Variants in NETO1 observed in about 807,000 individuals in gnomAD.
NETO1 encodes neuropilin and tolloid like 1.
A neutral mutation model predicts 61.3 loss-of-function variants in NETO1; 26 were observed. The observed-to-expected ratio is 0.42, with a 90% CI of 0.31 to 0.59. NETO1 has a LOEUF of 0.59. Ranked by LOEUF, NETO1 falls within the 20% of genes least tolerant of loss-of-function variation. The pLI is 0.12. For missense variants in NETO1, 531 were observed against 662.8 expected, an observed-to-expected ratio of 0.80 and a Z score of 2.18; for synonymous variants, 225 against 225.8, an observed-to-expected ratio of 1.00 and a Z score of 0.03.
intron 4 of NETO1, among the ~76,000 whole-genome samples, chr18:72,807,781 G>C (rs1224152029): frequency 6.6e-6 from 1 of 151,518 alleles, no homozygotes; most frequent in Non-Finnish European, 1.5e-5. Flanking sequence ...GCTGGAGTTT[G>C]CACATTTGAA....
chr18:72,835,902 C>T (rs920241735), intron 4 of NETO1, among the ~76,000 whole-genome samples: 14 of 151,988 alleles, frequency 9.2e-5, no homozygotes, highest in African/African-American at 1.7e-4. Context: ...CAAATAAATA[C>T]GTAAAGAGAT....
chr18:72,812,357 T>G (rs962090940), intron 4 of NETO1, among the ~76,000 whole-genome samples: 1 of 152,240 alleles, frequency 6.6e-6, no homozygotes, highest in Non-Finnish European at 1.5e-5. Flanking sequence ...CATTTGTGCT[T>G]GAACATTTAT....
Position 72,867,297 on chromosome 18 carries a change from T to C in NETO1, c.-6A>G. The C allele has an allele frequency of 6.4e-7, 1 of 1,568,896 alleles. No individual in the cohort carries two copies. Among genetic ancestry groups the C allele is most frequent in the Non-Finnish European group, 8.6e-7 (1 of 1,158,100 alleles). On this transcript the variant is annotated 5_prime_UTR_variant, in exon 1 of 11. Coordinates refer to ENST00000327305, the MANE Select transcript of NETO1 (RefSeq NM_138966.5). ...ACGCTGCGCCCATGGATCATGTCTG[T>C]GCGTTACACCAGAGGCTCCGGGCTC...
intron 4 of NETO1, among the ~76,000 whole-genome samples, chr18:72,844,600 T>C (rs149491707): frequency 6.6e-6 from 1 of 152,210 alleles, no homozygotes; most frequent in African/African-American, 2.4e-5. Flanking sequence ...ATGAACAGAT[T>C]TTTTCGTATC....
chr18:72,830,119 G>A lies in NETO1; in HGVS notation c.469+28707C>T, dbSNP rs563751727. Among the ~76,000 whole-genome samples, 130 of 152,288 alleles carry A rather than the reference G, an allele frequency of 8.5e-4. No individual in the cohort carries two copies. The highest frequency in any genetic ancestry group is 2.3e-3 in the South Asian group (11 of 4,834). On this transcript the variant is annotated intron_variant, in intron 4 of 10. Coordinates refer to ENST00000327305, the MANE Select transcript of NETO1 (RefSeq NM_138966.5). The surrounding 1 kb of genome is among the most constrained non-coding windows in gnomAD (Gnocchi z 4.9). ...CTACCTATGTGGCTGAAATATGAAG[G>A]AAGTACTATAAAACCTATGGCTTTA...
At chr18:72,808,419 TTGTGTGTGTG>T (rs368047239) in intron 4 of NETO1, among the ~76,000 whole-genome samples, 69 of 141,924 alleles carry the variant, frequency 4.9e-4, no homozygotes, top group East Asian at 3.8e-3. Context: ...CACTGCAGAT[TTGTGTGTGTG>T]TGTGTGTGTG....
intron 1 of NETO1, chr18:72,866,927 G>A: frequency 2.2e-6 from 1 of 462,292 alleles, no homozygotes; most frequent in East Asian, 4.7e-5. Context: ...TATCATCCGC[G>A]CTCTCCCGCT....
Position 72,858,765 on chromosome 18 carries a change from G to A in NETO1, c.469+61C>T, listed in dbSNP as rs545426841. On this transcript the variant is annotated intron_variant, in intron 4 of 10. Transcript: ENST00000327305. Reference sequence around the variant, plus strand: ...ATAATGTTGTCTTACACAAGATTTTGTACTATGAAGATAGAAAAATGAGGA... The same window carrying A: ...ATAATGTTGTCTTACACAAGATTTTATACTATGAAGATAGAAAAATGAGGA... 2.1e-5 allele frequency: 31 copies of A among 1,453,690 alleles called. No individual in the cohort carries two copies. The African/African-American group carries it at 3.8e-4, about 18-fold the overall frequency. 90.0% of individuals were successfully genotyped at this position (1,453,690 alleles called of 1,614,324 possible).
At chr18:72,796,070 A>T (rs183762234) in intron 4 of NETO1, among the ~76,000 whole-genome samples, 1 of 152,350 alleles carries the variant, frequency 6.6e-6, no homozygotes, top group East Asian at 1.9e-4. Flanking sequence ...TTTTAAAGTT[A>T]GAAATATTTT....
In NETO1 at chr18:72,761,107, A is replaced by AGATGTATGATATAAAATGTTAC. The variant is rs1389619088; in HGVS notation, c.869-4961_869-4960insGTAACATTTTATATCATACATC. 1.0e-3 allele frequency among the ~76,000 whole-genome samples: 158 copies of AGATGTATGATATAAAATGTTAC among 152,336 alleles called. 1 individual carries two copies. The highest frequency in any genetic ancestry group is 3.6e-3 in the African/African-American group (150 of 41,586). Reference sequence around the variant, plus strand: ...TTAAGATGTATGATATAAAATGTTAAGATGTATGATATAAAATGTTAAGAT... The same window carrying AGATGTATGATATAAAATGTTAC: ...TTAAGATGTATGATATAAAATGTTAAGATGTATGATATAAAATGTTACGATGTATGATATAAAATGTTAAGAT... On this transcript the variant is annotated intron_variant, in intron 7 of 10. Transcript: ENST00000327305.
chr18:72,833,356 G>A (rs17086409), intron 4 of NETO1, among the ~76,000 whole-genome samples: 2,657 of 152,104 alleles, frequency 0.017, 55 homozygotes, highest in African/African-American at 0.052. Context: ...CCTCTAGGCC[G>A]TTAAGTTATT....
intron 7 of NETO1, among the ~76,000 whole-genome samples, chr18:72,764,399 ATACT>A (rs2071083190): frequency 6.6e-6 from 1 of 152,168 alleles, no homozygotes; most frequent in South Asian, 2.1e-4. Context: ...AAAATCTAGC[ATACT>A]TACTTTTATT....
intron 4 of NETO1, among the ~76,000 whole-genome samples, chr18:72,855,936 T>C (rs1225881947): frequency 6.6e-6 from 1 of 152,240 alleles, no homozygotes; most frequent in Non-Finnish European, 1.5e-5. Flanking sequence ...TGAAGTGTTT[T>C]GATTATAATC....
intron 8 of NETO1, among the ~76,000 whole-genome samples, chr18:72,754,096 G>A (rs1241784827): frequency 6.6e-6 from 1 of 152,088 alleles, no homozygotes; most frequent in Non-Finnish European, 1.5e-5. Flanking sequence ...ATGTTTCTAT[G>A]TCTCACTATA....
intron 4 of NETO1, among the ~76,000 whole-genome samples, chr18:72,847,825 T>C (rs1409414318): frequency 6.6e-6 from 1 of 152,172 alleles, no homozygotes; most frequent in Non-Finnish European, 1.5e-5. Flanking sequence ...CATTGTTTAT[T>C]TACATTCTGT....
At chr18:72,775,153 G>C (rs1455601749) in intron 7 of NETO1, among the ~76,000 whole-genome samples, 3 of 152,196 alleles carry the variant, frequency 2.0e-5, no homozygotes, top group Non-Finnish European at 2.9e-5. Flanking sequence ...ATACCTATGG[G>C]AGCAAGCTGC....
intron 7 of NETO1, among the ~76,000 whole-genome samples, chr18:72,771,475 G>A (rs1268694492): frequency 6.6e-6 from 1 of 152,146 alleles, no homozygotes; most frequent in Admixed American, 6.6e-5. Flanking sequence ...GTGTGGAAGT[G>A]CGGTGCCTTC....
intron 4 of NETO1, among the ~76,000 whole-genome samples, chr18:72,856,377 T>C (rs189863711): frequency 1.3e-5 from 2 of 152,296 alleles, no homozygotes; most frequent in East Asian, 3.9e-4. Flanking sequence ...CCTAAAAATT[T>C]CAGGAACTGT....
At chr18:72,861,277 G>A (rs1022541896) in intron 3 of NETO1, among the ~76,000 whole-genome samples, 18 of 152,324 alleles carry the variant, frequency 1.2e-4, no homozygotes, top group Admixed American at 1.2e-3. Flanking sequence ...TGAAGTTAAT[G>A]ACACACAACC....
Sources: gnomAD v4.1 joint callset for allele counts (sites outside exome capture counted in the v4.1 genomes callset) on GRCh38, gnomAD v4.1.1 for gene constraint, Gnocchi (gnomAD v3.1) non-coding constraint, MANE v1.5 for transcripts, NCBI Gene and HGNC (gene_info 2026-07-23, HGNC 2026-07-21) for gene names.